The following MLKL variants were observed in gnomAD, a reference collection of about 807,000 sequenced individuals.
The protein encoded by MLKL is mixed lineage kinase domain like pseudokinase, also known as mixed lineage kinase domain-like protein.
Under a neutral mutation model 56.5 loss-of-function variants are expected in MLKL, and 55 were observed. The observed-to-expected ratio is 0.97, with a 90% CI of 0.78 to 1.22. The LOEUF is 1.22. Among genes scored for constraint, MLKL ranks in the 50% most tolerant of loss-of-function variants. The pLI is 0.00. For missense variants in MLKL, 694 were observed against 573.9 expected, an observed-to-expected ratio of 1.21 and a Z score of -2.14; for synonymous variants, 251 against 208.3, an observed-to-expected ratio of 1.20 and a Z score of -1.76.
chr16:74,685,665 A>G, intron 4 of MLKL, 82 bp from the exon 5 acceptor site: 3 of 1,079,994 alleles, frequency 2.8e-6, no homozygotes, highest in South Asian at 1.3e-5. Flanking sequence ...CCCTCTGTGT[A>G]TGTGGGGGCG....
At chr16:74,699,619 T>C (rs1224157597) in intron 1 of MLKL, among the ~76,000 whole-genome samples, 1 of 152,078 alleles carries the variant, frequency 6.6e-6, no homozygotes, top group Non-Finnish European at 1.5e-5. Context: ...GTGCTATTTA[T>C]AATATGTAAA....
intron 1 of MLKL, among the ~76,000 whole-genome samples, chr16:74,699,799 G>T (rs1435613921): frequency 1.3e-5 from 2 of 152,076 alleles, no homozygotes; most frequent in Admixed American, 1.3e-4. Context: ...ATTTAATTGG[G>T]TGTGGTGATG....
chr16:74,679,284 G>A (rs1959795684), intron 6 of MLKL, among the ~76,000 whole-genome samples: 1 of 152,190 alleles, frequency 6.6e-6, no homozygotes. Flanking sequence ...GGGAAGTGCT[G>A]GGCAGATCCG....
In MLKL at chr16:74,692,322, C is replaced by T; in HGVS notation, c.535+20G>A. On this transcript the variant is annotated intron_variant, in intron 3 of 10. Coordinates refer to ENST00000308807, the MANE Select transcript of MLKL (RefSeq NM_152649.4). Reference sequence around the variant, plus strand: ...CTAGTTTGGGGGCCATCAGAAACAGCAGGGCACATGATAACTTACACTGCC... The same window carrying T: ...CTAGTTTGGGGGCCATCAGAAACAGTAGGGCACATGATAACTTACACTGCC... The T allele has an allele frequency of 6.2e-7, 1 of 1,607,078 alleles. No individual in the cohort carries two copies. The highest frequency in any genetic ancestry group is 8.5e-7 in the Non-Finnish European group (1 of 1,175,304).
intron 5 of MLKL, among the ~76,000 whole-genome samples, chr16:74,685,106 T>G (rs1960246157): frequency 6.6e-6 from 1 of 152,140 alleles, no homozygotes; most frequent in Non-Finnish European, 1.5e-5. Context: ...TCAAGTGACC[T>G]GCCTGTCTCG....
At chr16:74,686,485 A>T (rs1960336295) in intron 4 of MLKL, among the ~76,000 whole-genome samples, 1 of 152,182 alleles carries the variant, frequency 6.6e-6, no homozygotes, top group Admixed American at 6.5e-5. Context: ...TGGGAGGCTG[A>T]GGCAGGAGAA....
In MLKL at chr16:74,678,870, C is replaced by A. The variant is rs139528797; in HGVS notation, c.1038+29G>T. On this transcript the variant is annotated intron_variant, in intron 7 of 10. Transcript: ENST00000308807. ...CATAGCACCAGTCATGCAGGTTTGACCCAAAGCGCCCCCGCAAGGCACACT... is the reference window on the plus strand; with the variant it reads ...CATAGCACCAGTCATGCAGGTTTGAACCAAAGCGCCCCCGCAAGGCACACT... 3.3e-5 allele frequency: 53 copies of A among 1,593,884 alleles called. No individual in the cohort carries two copies. In the East Asian group the frequency reaches 1.1e-3, roughly 34 times the overall value.
intron 5 of MLKL, among the ~76,000 whole-genome samples, chr16:74,683,172 G>A (rs1960097017): frequency 6.6e-6 from 1 of 152,076 alleles, no homozygotes; most frequent in South Asian, 2.1e-4. Context: ...AGCTGGGTGT[G>A]GTGGCAGGTG....
rs114232715 is a variant in MLKL at position 74,675,902 on chromosome 16, G to T, written c.1039-138C>A. On this transcript the variant is annotated intron_variant, in intron 7 of 10. Transcript: ENST00000308807. ...TTATTTCCTGTCGTGACTTCTGTCT[G>T]TGTGGCTACTTTATTGGTTAACATT... 1.8e-3 allele frequency: 1,640 copies of T among 890,462 alleles called. 25 individuals carry two copies. The African/African-American group carries it at 0.024, about 13-fold the overall frequency. The allele number at this position is 890,462 out of a possible 1,614,324, so 55.2% of individuals were successfully genotyped here.
intron 1 of MLKL, among the ~76,000 whole-genome samples, chr16:74,698,256 G>C (rs1177912311): frequency 6.6e-6 from 1 of 151,496 alleles, no homozygotes; most frequent in Non-Finnish European, 1.5e-5. Context: ...AAAAAACAAA[G>C]TTAGTTTTTT....
At chr16:74,689,809 G>A (rs4265826) in intron 4 of MLKL, among the ~76,000 whole-genome samples, 24,860 of 152,102 alleles carry the variant, frequency 0.16, 2,762 homozygotes, top group East Asian at 0.43. Flanking sequence ...CGACTTAATA[G>A]ATGGTATAGA....
At chr16:74,674,585 G>A (rs1422960100) in intron 10 of MLKL, among the ~76,000 whole-genome samples, 1 of 152,000 alleles carries the variant, frequency 6.6e-6, no homozygotes, top group Non-Finnish European at 1.5e-5. Flanking sequence ...CTGAGTAGCT[G>A]GGATTACAGG....
At chr16:74,691,613 C>G in intron 3 of MLKL, 150 bp from the exon 4 acceptor site, 1 of 815,348 alleles carries the variant, frequency 1.2e-6, no homozygotes, top group Admixed American at 2.8e-5. Context: ...ATGGACTCAG[C>G]CCAAGGGAGC....
chr16:74,686,320 T>C lies in MLKL; in HGVS notation c.723-737A>G, dbSNP rs113162829. Among the ~76,000 whole-genome samples the C allele has an allele frequency of 8.9e-3, 1,351 of 151,904 alleles. 16 individuals are homozygous for C. Among genetic ancestry groups the C allele is most frequent in the African/African-American group, 0.031 (1,282 of 41,480 alleles). The stretch of plus-strand genomic sequence containing the variant: ...ATACTAGGCCGGGCGTGGTGGCTCA[T>C]GCCTGTAATCCCAGCACTTTGGGAG... On this transcript the variant is annotated intron_variant, in intron 4 of 10. Transcript: ENST00000308807.
rs372403777 is a variant in MLKL at position 74,675,089 on chromosome 16, C to T, written c.1252G>A (p.Glu418Lys). The change falls in exon 10 of 11, where the codon GAG becomes AAG. Residue 418 changes from glutamate (E) to lysine (K), a missense_variant. Physicochemically the swap from Glu to Lys is moderately conservative, Grantham distance 56. Coordinates refer to ENST00000308807, the MANE Select transcript of MLKL (RefSeq NM_152649.4). Reference protein sequence around the residue: ...GDIPFQGCNSEKIRKLVAVKR... With the variant: ...GDIPFQGCNSKKIRKLVAVKR... ...ACAGCCACCAGCTTGCGGATCTTCT[C>T]AGAATTACAGCCTGGAAATGATAGC... is the stretch of plus-strand genomic sequence containing the variant. 16 of 1,613,944 alleles carry T rather than the reference C, an allele frequency of 9.9e-6. No homozygotes were observed. The African/African-American group carries it at 1.9e-4, about 19-fold the overall frequency.
In MLKL at chr16:74,685,516, G is replaced by A. The variant is rs148145220; in HGVS notation, c.790C>T (p.Arg264Cys). 1.4e-5 allele frequency: 22 copies of A among 1,613,816 alleles called. No homozygotes were observed. The highest frequency in any genetic ancestry group is 1.1e-4 in the South Asian group (10 of 91,062). The change falls in exon 5 of 11, where the codon CGT becomes TGT. Residue 264 changes from arginine (R) to cysteine (C), a missense_variant. Physicochemically the swap from Arg to Cys is radical, Grantham distance 180. Transcript: ENST00000308807. ...TCATCAATGCAAATCCCAAATATAC[G>A]CAGGATGTTGGGAGATTCGAATTTC... ...MKKFESPNIL[R>C]IFGICIDETV...
chr16:74,683,246 T>C (rs570967784), intron 5 of MLKL, among the ~76,000 whole-genome samples: 1 of 150,088 alleles, frequency 6.7e-6, no homozygotes, highest in African/African-American at 2.5e-5. Context: ...GTGGCAGAGA[T>C]TGCACCACTG....
chr16:74,682,082 C>CA (rs753120299), intron 6 of MLKL, among the ~76,000 whole-genome samples: 175 of 144,676 alleles, frequency 1.2e-3, no homozygotes, highest in Non-Finnish European at 2.1e-3. Context: ...CTTATCTCTA[C>CA]AAAAAATATA....
At chr16:74,677,116 A>T (rs1286833278) in intron 7 of MLKL, 1 of 152,136 alleles carries the variant, frequency 6.6e-6, no homozygotes, top group Non-Finnish European at 1.5e-5. Context: ...GCAGTGGTGC[A>T]ATCTCAGCTC....
Sources: gnomAD v4.1 joint callset for allele counts (sites outside exome capture counted in the v4.1 genomes callset) on GRCh38, gnomAD v4.1.1 for gene constraint, MANE v1.5 for transcripts, NCBI Gene and HGNC (gene_info 2026-07-23, HGNC 2026-07-21) for gene names.